RPS6KB2: variants seen among roughly 807,000 people sequenced by gnomAD.
RPS6KB2 encodes the protein ribosomal protein S6 kinase beta-2.
A neutral mutation model predicts 58.2 loss-of-function variants in RPS6KB2; 51 were observed. The observed-to-expected ratio is 0.88, with a 90% CI of 0.70 to 1.11. The LOEUF is 1.11. RPS6KB2 is among the 50% of genes least tolerant of loss of function. RPS6KB2 has a pLI of 0.00. For missense variants in RPS6KB2, 671 were observed against 655.8 expected, an observed-to-expected ratio of 1.02 and a Z score of -0.25; for synonymous variants, 293 against 258.6, an observed-to-expected ratio of 1.13 and a Z score of -1.28.
rs1050619472 is a variant in RPS6KB2, at chr11:67,435,379, G to A, written c.*210G>A. ...CGCCCCGCGCTCAACTGCTCCCGTG[G>A]AAGATTAAAGGGCTGAATCATGGTG... On this transcript the variant is annotated 3_prime_UTR_variant, in exon 15 of 15. Coordinates refer to ENST00000312629, the MANE Select transcript of RPS6KB2 (RefSeq NM_003952.3). The A allele has an allele frequency of 1.6e-6, 1 of 617,762 alleles. No individual in the cohort carries two copies. Among genetic ancestry groups the A allele is most frequent in the Admixed American group, 3.1e-5 (1 of 32,202 alleles). The allele number at this position is 617,762 out of a possible 1,614,324, so 38.3% of individuals were successfully genotyped here.
At chr11:67,434,717 G>A in intron 14 of RPS6KB2, 23 bp downstream of exon 14, 2 of 1,561,344 alleles carry the variant, frequency 1.3e-6, no homozygotes, top group Non-Finnish European at 1.7e-6. Context: ...GTGGGGGTGT[G>A]TGGCTGGGTT....
At position 67,434,611 on chromosome 11, in the gene RPS6KB2, G is replaced by A. The variant is rs1342474706; in HGVS notation, c.1185G>A (p.Leu395=). ...LGFTYVAPSV[L]DSIKEGFSFQ... The stretch of plus-strand genomic sequence containing the variant: ...TCACATACGTGGCGCCGTCTGTCCT[G>A]GACAGCATCAAGGAGGGCTTCTCCT... The change falls in exon 14 of 15, where the codon CTG becomes CTA. Residue 395 remains leucine (L), a synonymous_variant. Transcript: ENST00000312629. 7.5e-6 allele frequency: 12 copies of A among 1,608,764 alleles called. No individual in the cohort carries two copies. Among genetic ancestry groups the A allele is most frequent in the South Asian group, 1.1e-5 (1 of 90,672 alleles).
chr11:67,434,813 C>A, intron 14 of RPS6KB2, 119 bp downstream of exon 14: 1 of 1,008,770 alleles, frequency 9.9e-7, no homozygotes, highest in Non-Finnish European at 1.5e-6. Context: ...GTTGCTGTGT[C>A]TATCATGGGG....
Position 67,432,651 on chromosome 11 carries a change from C to T in RPS6KB2, c.509C>T (p.Thr170Met), listed in dbSNP as rs780978333. ...CGAGAGGGCATCTTCCTGGAAGATACGGCCTGGTGGGTGTTAATCCTCCGC... is the reference window on the plus strand; with the variant it reads ...CGAGAGGGCATCTTCCTGGAAGATATGGCCTGGTGGGTGTTAATCCTCCGC... ...LEREGIFLED[T>M]ACFYLAEITL... is the part of the protein sequence containing the mutation. The change falls in exon 6 of 15, where the codon ACG becomes ATG. Residue 170 changes from threonine to methionine, a missense_variant. Transcript: ENST00000312629. 9.9e-6 allele frequency: 16 copies of T among 1,613,976 alleles called. No individual in the cohort carries two copies. The highest frequency in any genetic ancestry group is 4.5e-5 in the East Asian group (2 of 44,894).
intron 5 of RPS6KB2, 39 bp downstream of exon 5, chr11:67,431,554 G>T: frequency 1.3e-6 from 2 of 1,591,874 alleles, no homozygotes; most frequent in Non-Finnish European, 1.7e-6. Context: ...TGGGGGTCGC[G>T]GGGGGGCAGC....
In RPS6KB2 at chr11:67,434,417, C is replaced by T. The variant is rs771436864; in HGVS notation, c.1088C>T (p.Thr363Ile). ...GTGAGCCAGTTTGATACCCGCTTCA[C>T]ACGGCAGACGCCGGTGGACAGTCCT... ...EDVSQFDTRF[T>I]RQTPVDSPDD... The change falls in exon 13 of 15, where the codon ACA (threonine) becomes ATA (isoleucine). Residue 363 changes from threonine to isoleucine, a missense_variant. Transcript: ENST00000312629. 1.2e-6 allele frequency: 2 copies of T among 1,613,248 alleles called. No individual in the cohort carries two copies. Among genetic ancestry groups the T allele is most frequent in the Non-Finnish European group, 1.7e-6 (2 of 1,180,020 alleles).
chr11:67,432,044 C>G (rs543123411), intron 5 of RPS6KB2: 5 of 327,208 alleles, frequency 1.5e-5, no homozygotes, highest in South Asian at 1.3e-4. Context: ...CAGAGTCCTG[C>G]GGCTGGCTGC....
intron 5 of RPS6KB2, chr11:67,432,331 G>A: frequency 1.5e-6 from 1 of 662,894 alleles, no homozygotes; most frequent in South Asian, 1.5e-5. Flanking sequence ...TAGAGCCGTT[G>A]TGTACATGTC....
chr11:67,431,525 CG>C lies in RPS6KB2; in HGVS notation c.457+13del, dbSNP rs1864021393. 6.2e-7 allele frequency: 1 copy of C among 1,612,288 alleles called. No individual in the cohort carries two copies. The highest frequency in any genetic ancestry group is 1.3e-5 in the African/African-American group (1 of 74,790). ...CTTGAGTGCCTCAGTGGTATGAGTG[CG>C]GGCCCAGGCAGGGGTGCTGGGGGTC... On this transcript the variant is annotated intron_variant, in intron 5 of 14. Transcript: ENST00000312629.
chr11:67,434,792 T>C (rs1864208402), intron 14 of RPS6KB2, 98 bp downstream of exon 14: 1 of 1,089,728 alleles, frequency 9.2e-7, no homozygotes, highest in Non-Finnish European at 1.3e-6. Context: ...TGTCGGCCAG[T>C]GTTGGCTTCG....
intron 14 of RPS6KB2, 91 bp downstream of exon 14, chr11:67,434,785 C>A (rs574642011): frequency 1.8e-6 from 2 of 1,129,562 alleles, no homozygotes; most frequent in Non-Finnish European, 2.6e-6. Context: ...CCACGTCTGT[C>A]GGCCAGTGTT....
intron 4 of RPS6KB2, chr11:67,430,843 A>G (rs1863997249): frequency 6.5e-6 from 1 of 152,812 alleles, no homozygotes; most frequent in Non-Finnish European, 1.5e-5. Context: ...GCCTCCCACA[A>G]CAAAGAATGA....
chr11:67,432,352 G>A, intron 5 of RPS6KB2: 1 of 679,852 alleles, frequency 1.5e-6, no homozygotes, highest in African/African-American at 1.8e-5. Flanking sequence ...TGTCTCCCCA[G>A]TAGACTGAGC....
chr11:67,431,232 G>A (rs577589717), intron 4 of RPS6KB2, 136 bp from the exon 5 acceptor site: 21 of 737,222 alleles, frequency 2.8e-5, no homozygotes, highest in Middle Eastern at 5.6e-4. Flanking sequence ...GTTTCACCAT[G>A]TTGGCCAGGC....
In RPS6KB2 at chr11:67,431,517, T is replaced by C. The variant is rs1328658385; in HGVS notation, c.457+2T>C. The C allele has an allele frequency of 6.2e-7, 1 of 1,613,328 alleles. No homozygotes were observed. Among genetic ancestry groups the C allele is most frequent in the Non-Finnish European group, 8.5e-7 (1 of 1,179,804 alleles). On this transcript the variant is annotated splice_donor_variant, in intron 5 of 14. Transcript: ENST00000312629. LOFTEE classifies it high-confidence loss of function. ...ACCTCATCCTTGAGTGCCTCAGTGGTATGAGTGCGGGCCCAGGCAGGGGTG... is the reference window on the plus strand; with the variant it reads ...ACCTCATCCTTGAGTGCCTCAGTGGCATGAGTGCGGGCCCAGGCAGGGGTG...
chr11:67,435,376 G>A lies in RPS6KB2; in HGVS notation c.*207G>A, dbSNP rs3815364. ...CCACGCCCCGCGCTCAACTGCTCCCGTGGAAGATTAAAGGGCTGAATCATG... is the reference window on the plus strand; with the variant it reads ...CCACGCCCCGCGCTCAACTGCTCCCATGGAAGATTAAAGGGCTGAATCATG... On this transcript the variant is annotated 3_prime_UTR_variant, in exon 15 of 15. Transcript: ENST00000312629. 0.022 allele frequency: 13,619 copies of A among 619,754 alleles called. 328 individuals carry two copies. Among genetic ancestry groups the A allele is most frequent in the East Asian group, 0.085 (3,003 of 35,310 alleles). The allele number at this position is 619,754 out of a possible 1,614,324, so 38.4% of individuals were successfully genotyped here. A position where few individuals can be genotyped will look rare whatever the true frequency, so the allele number is the denominator to read the frequency against.
At chr11:67,429,370 G>A (rs552449411) in intron 3 of RPS6KB2, 130 bp downstream of exon 3, 8 of 1,429,648 alleles carry the variant, frequency 5.6e-6, no homozygotes. Context: ...ACATAAAGGA[G>A]GGAAGGCCAA....
At position 67,435,267 on chromosome 11, in the gene RPS6KB2, TG is replaced by T; in HGVS notation, c.*103del. On this transcript the variant is annotated 3_prime_UTR_variant, in exon 15 of 15. Transcript: ENST00000312629. ...AGTTCCAGAGACCTGGGGGTGTGTC[TG>T]GGGGTGGGGTGTGAGTGCGTATGAA... 9.0e-7 allele frequency: 1 copy of T among 1,109,562 alleles called. No homozygotes were observed. The highest frequency in any genetic ancestry group is 1.2e-6 in the Non-Finnish European group (1 of 801,486). 68.7% of individuals were successfully genotyped at this position (1,109,562 alleles called of 1,614,324 possible). A position where few individuals can be genotyped will look rare whatever the true frequency, so the allele number is the denominator to read the frequency against.
At chr11:67,429,693 A>G (rs1863962476) in intron 4 of RPS6KB2, 98 bp downstream of exon 4, 3 of 996,780 alleles carry the variant, frequency 3.0e-6, no homozygotes, top group African/African-American at 3.2e-5. Context: ...GTGGAGGAGG[A>G]TCCCTGACTT....
Sources: allele counts gnomAD v4.1 joint callset, GRCh38; gene constraint gnomAD v4.1.1; transcripts MANE v1.5; gene names NCBI Gene and HGNC (gene_info 2026-07-23, HGNC 2026-07-21).